ASCC3: variants seen among roughly 807,000 people sequenced by gnomAD.
ASCC3 encodes the protein ASC-1 complex subunit P200.
ASCC3 carries 158 observed loss-of-function variants against 256.3 expected under a neutral mutation model. The ratio of observed to expected loss-of-function variants is 0.62; its 90% CI spans 0.54 to 0.70. ASCC3 has a LOEUF of 0.70. Among genes scored for constraint, ASCC3 ranks in the 30% least tolerant of loss-of-function variants. ASCC3 has a pLI of 0.00. For missense variants in ASCC3, 2,259 were observed against 2,626.0 expected (o/e 0.86, Z 3.05); for synonymous variants, 948 against 883.4 (o/e 1.07, Z -1.30).
At chr6:100,777,627 G>A (rs534207709) in intron 8 of ASCC3, among the ~76,000 whole-genome samples, 32 of 152,208 alleles carry the variant, frequency 2.1e-4, no homozygotes, top group African/African-American at 7.2e-4. Context: ...TCTGAGTTGA[G>A]AATAAAATGA....
intron 36 of ASCC3, among the ~76,000 whole-genome samples, chr6:100,557,758 G>T (rs1769685739): frequency 6.6e-6 from 1 of 152,030 alleles, no homozygotes; most frequent in Non-Finnish European, 1.5e-5. Context: ...CAAAAAAATA[G>T]TTAGAAAGAA....
At chr6:100,842,892 T>C (rs888407662) in intron 4 of ASCC3, among the ~76,000 whole-genome samples, 32 of 152,228 alleles carry the variant, frequency 2.1e-4, no homozygotes, top group African/African-American at 7.5e-4. Flanking sequence ...AGAGGATTGC[T>C]TGAGCCCAGG....
intron 17 of ASCC3, 126 bp downstream of exon 17, chr6:100,655,573 C>A (rs536129427): frequency 5.5e-6 from 6 of 1,091,612 alleles, no homozygotes; most frequent in Non-Finnish European, 7.9e-6. Context: ...AATATTAAAT[C>A]TCTTGTTTTT....
At chr6:100,687,026 T>TCACACA (rs1489836127) in intron 13 of ASCC3, among the ~76,000 whole-genome samples, 9 of 73,168 alleles carry the variant, frequency 1.2e-4, no homozygotes, top group Admixed American at 1.6e-4. Flanking sequence ...TCTCTCTCTC[T>TCACACA]CTCTCTCTCA....
intron 10 of ASCC3, among the ~76,000 whole-genome samples, chr6:100,746,164 G>C (rs1186350452): frequency 6.8e-6 from 1 of 147,128 alleles, no homozygotes; most frequent in Non-Finnish European, 1.5e-5. Context: ...TTAAAATAAA[G>C]AAACTAAAAC....
intron 13 of ASCC3, among the ~76,000 whole-genome samples, chr6:100,692,597 CT>C (rs1475822235): frequency 6.6e-6 from 1 of 151,818 alleles, no homozygotes; most frequent in Non-Finnish European, 1.5e-5. Context: ...TTATTCTTTT[CT>C]TTTTTTCTTT....
At chr6:100,784,293 T>C (rs559577130) in intron 8 of ASCC3, among the ~76,000 whole-genome samples, 3 of 152,182 alleles carry the variant, frequency 2.0e-5, no homozygotes, top group South Asian at 4.1e-4. Context: ...TAAAAATTTA[T>C]TGCTCTTGGT....
intron 25 of ASCC3, among the ~76,000 whole-genome samples, chr6:100,635,261 AAAG>A (rs779156357): frequency 7.9e-5 from 12 of 152,162 alleles, no homozygotes; most frequent in Non-Finnish European, 4.4e-5. Flanking sequence ...ATTCAGCTTT[AAAG>A]AAGAATGAAA....
chr6:100,641,170 T>C (rs753796576), intron 24 of ASCC3, among the ~76,000 whole-genome samples: 31 of 152,200 alleles, frequency 2.0e-4, no homozygotes, highest in Non-Finnish European at 4.0e-4. Context: ...AATCTGCTTC[T>C]ATATTAAGTC....
chr6:100,671,725 C>T (rs1040123129), intron 14 of ASCC3, among the ~76,000 whole-genome samples: 1 of 152,028 alleles, frequency 6.6e-6, no homozygotes, highest in Admixed American at 6.6e-5. Context: ...CTTTCCACGA[C>T]TTTACATAAC....
chr6:100,805,028 A>G (rs928296760), intron 5 of ASCC3, among the ~76,000 whole-genome samples: 1 of 152,128 alleles, frequency 6.6e-6, no homozygotes, highest in African/African-American at 2.4e-5. Flanking sequence ...TGGACTGGAT[A>G]ACAAAAATGC....
At chr6:100,727,744 T>C (rs1033913216) in intron 10 of ASCC3, among the ~76,000 whole-genome samples, 1 of 151,952 alleles carries the variant, frequency 6.6e-6, no homozygotes, top group African/African-American at 2.4e-5. Context: ...GAGACAAAGA[T>C]TAAAAATGAC....
intron 8 of ASCC3, among the ~76,000 whole-genome samples, chr6:100,780,792 T>C (rs1782406002): frequency 6.6e-6 from 1 of 152,184 alleles, no homozygotes; most frequent in Non-Finnish European, 1.5e-5. Flanking sequence ...CAATCACTCA[T>C]ACTTATTTCT....
rs186640077 is a variant in ASCC3 at position 100,792,559 on chromosome 6, A to G, written c.1395+6154T>C. ...AGAACTAGTAAAATCATCATGGTCA[A>G]TTAATTATTGCTAGTGCTATAAATT... On this transcript the variant is annotated intron_variant, in intron 8 of 41. Coordinates refer to ENST00000369162, the MANE Select transcript of ASCC3 (RefSeq NM_006828.4). 1.6e-4 allele frequency among the ~76,000 whole-genome samples: 25 copies of G among 152,074 alleles called. No homozygotes were observed. The East Asian group carries it at 4.6e-3, about 28-fold the overall frequency.
intron 4 of ASCC3, among the ~76,000 whole-genome samples, chr6:100,825,271 T>A (rs846778): frequency 1.3e-4 from 19 of 149,676 alleles, no homozygotes; most frequent in Admixed American, 4.6e-4. Flanking sequence ...GATTCTTTTG[T>A]GATTTTTTTT....
At chr6:100,585,752 G>A (rs1771623974) in intron 36 of ASCC3, among the ~76,000 whole-genome samples, 1 of 152,128 alleles carries the variant, frequency 6.6e-6, no homozygotes, top group African/African-American at 2.4e-5. Flanking sequence ...GTACAGATAG[G>A]TTTTTGGTAT....
At chr6:100,603,146 T>C (rs1385645924) in intron 33 of ASCC3, among the ~76,000 whole-genome samples, 2 of 151,956 alleles carry the variant, frequency 1.3e-5, no homozygotes, top group East Asian at 3.9e-4. Flanking sequence ...AACTGGAAAT[T>C]CTCTAGGTGC....
intron 4 of ASCC3, among the ~76,000 whole-genome samples, chr6:100,828,720 G>T (rs548922228): frequency 6.6e-6 from 1 of 152,252 alleles, no homozygotes; most frequent in South Asian, 2.1e-4. Flanking sequence ...CTTCAGGAGT[G>T]AAGCTGCAGA....
intron 10 of ASCC3, among the ~76,000 whole-genome samples, chr6:100,760,791 C>T (rs560091229): frequency 1.2e-4 from 18 of 152,182 alleles, no homozygotes; most frequent in Non-Finnish European, 1.8e-4. Context: ...AACAGCAGAG[C>T]GAGAACAGAT....
Sources: allele counts gnomAD v4.1 joint callset (sites outside exome capture counted in the v4.1 genomes callset), GRCh38; gene constraint gnomAD v4.1.1; transcripts MANE v1.5; gene names NCBI Gene and HGNC (gene_info 2026-07-23, HGNC 2026-07-21).